Variants in NTRK2 observed in about 807,000 individuals in gnomAD.
NTRK2 encodes the protein BDNF/NT-3 growth factors receptor.
NTRK2 carries 13 observed loss-of-function variants against 94.5 expected under a neutral mutation model. The observed-to-expected ratio is 0.14, with a 90% CI of 0.09 to 0.22. The LOEUF (loss-of-function observed/expected upper bound fraction) is 0.22. NTRK2 is among the 10% of genes least tolerant of loss of function. The pLI is 1.00. For synonymous variants in NTRK2, 372 were observed against 407.4 expected (o/e 0.91, Z 1.05); for missense variants, 639 against 1,071.2 (o/e 0.60, Z 5.63).
intron 12 of NTRK2, among the ~76,000 whole-genome samples, chr9:84,829,290 C>T (rs960370143): frequency 7.9e-5 from 12 of 152,134 alleles, no homozygotes; most frequent in African/African-American, 2.4e-4. Flanking sequence ...CAAGCCACAG[C>T]GCCTGGCCCA....
intron 14 of NTRK2, among the ~76,000 whole-genome samples, chr9:84,901,831 T>C (rs962501020): frequency 6.6e-6 from 1 of 152,088 alleles, no homozygotes; most frequent in Admixed American, 6.6e-5. Context: ...CAAAACTCAC[T>C]AGAGTCACCT....
chr9:84,953,341 C>T (rs912055452), intron 16 of NTRK2, among the ~76,000 whole-genome samples: 1 of 152,198 alleles, frequency 6.6e-6, no homozygotes, highest in Non-Finnish European at 1.5e-5. Flanking sequence ...TGAAAGGCCA[C>T]GAAGCACTAT....
At chr9:84,873,587 C>G in intron 14 of NTRK2, 1 of 1,051,976 alleles carries the variant, frequency 9.5e-7, no homozygotes, top group Middle Eastern at 4.3e-4. Flanking sequence ...TCAAATAATG[C>G]TTTAAAAAAG....
At position 84,670,361 on chromosome 9, in the gene NTRK2, G is replaced by GTAGA; in HGVS notation, c.-372-15_-372-14insAGAT. 5.3e-6 allele frequency: 2 copies of GTAGA among 374,312 alleles called. No homozygotes were observed. The highest frequency in any genetic ancestry group is 4.9e-6 in the Non-Finnish European group (1 of 203,336). 23.2% of individuals were successfully genotyped at this position (374,312 alleles called of 1,614,324 possible). ...GGGTCCTACGCTCAGTCTTACGCGT[G>GTAGA]TCTGTTTGTCCTCAGCCTCGAGGTG... On this transcript the variant is annotated splice_polypyrimidine_tract_variant and intron_variant, in intron 1 of 18. Transcript: ENST00000277120.
At chr9:84,744,883 C>T in intron 10 of NTRK2, 90 bp from the exon 11 acceptor site, 1 of 918,048 alleles carries the variant, frequency 1.1e-6, no homozygotes, top group Non-Finnish European at 1.8e-6. Context: ...ATTTGTCTTG[C>T]TTCATTCTGG....
chr9:84,754,397 T>A (rs2064897972), intron 12 of NTRK2, among the ~76,000 whole-genome samples: 1 of 152,282 alleles, frequency 6.6e-6, no homozygotes, highest in South Asian at 2.1e-4. Flanking sequence ...AGGGTTATTG[T>A]TTTGCAAGTC....
At chr9:84,949,036 A>T (rs534476706) in intron 16 of NTRK2, among the ~76,000 whole-genome samples, 1 of 152,290 alleles carries the variant, frequency 6.6e-6, no homozygotes, top group South Asian at 2.1e-4. Context: ...AGTGAGAGTG[A>T]AGTTTTCAAG....
intron 15 of NTRK2, among the ~76,000 whole-genome samples, chr9:84,944,264 CTTTT>C (rs1209056623): frequency 7.9e-6 from 1 of 127,056 alleles, no homozygotes; most frequent in African/African-American, 2.9e-5. Flanking sequence ...GTCTAGCATT[CTTTT>C]TTTTTTTTTT....
intron 12 of NTRK2, among the ~76,000 whole-genome samples, chr9:84,819,648 C>T (rs183903348): frequency 2.0e-5 from 3 of 152,324 alleles, no homozygotes; most frequent in Non-Finnish European, 4.4e-5. Context: ...GCAGAGGAGG[C>T]GTTCAGGGTA....
chr9:84,812,207 C>T (rs1304859807), intron 12 of NTRK2: 1 of 1,056,422 alleles, frequency 9.5e-7, no homozygotes, highest in East Asian at 5.2e-5. Flanking sequence ...CATTTAGGTA[C>T]CACTTGATAT....
At chr9:84,886,726 C>T (rs1339686672) in intron 14 of NTRK2, among the ~76,000 whole-genome samples, 1 of 152,190 alleles carries the variant, frequency 6.6e-6, no homozygotes, top group Non-Finnish European at 1.5e-5. Flanking sequence ...AACACTTTCT[C>T]CTTGAGCTGA....
intron 12 of NTRK2, among the ~76,000 whole-genome samples, chr9:84,785,424 G>A (rs974052352): frequency 6.6e-6 from 1 of 152,180 alleles, no homozygotes; most frequent in Non-Finnish European, 1.5e-5. Flanking sequence ...TTTGAGGTGA[G>A]CCTGCTATAT....
At chr9:84,889,709 G>A (rs948024776) in intron 14 of NTRK2, among the ~76,000 whole-genome samples, 13 of 152,132 alleles carry the variant, frequency 8.5e-5, no homozygotes, top group Non-Finnish European at 1.2e-4. Context: ...CACTGTGCCC[G>A]GCCAATATTT....
chr9:84,870,331 G>GTGTGTATATATATATATATATATA (rs1349303529), intron 14 of NTRK2, among the ~76,000 whole-genome samples: 5 of 31,182 alleles, frequency 1.6e-4, no homozygotes, highest in Non-Finnish European at 3.4e-4. Flanking sequence ...GTGTGTGTGT[G>GTGTGTATATATATATATATATATA]TATATATATA....
chr9:84,973,771 G>C (rs780805753), intron 17 of NTRK2, among the ~76,000 whole-genome samples: 2 of 152,108 alleles, frequency 1.3e-5, no homozygotes, highest in Non-Finnish European at 2.9e-5. Flanking sequence ...AGTCCTTTCA[G>C]CTCTAAAAGT....
chr9:84,870,032 G>C (rs891209944), intron 14 of NTRK2, among the ~76,000 whole-genome samples: 2 of 147,530 alleles, frequency 1.4e-5, no homozygotes, highest in Admixed American at 6.8e-5. Flanking sequence ...ACATGTAGAT[G>C]AATCTGTTGG....
intron 15 of NTRK2, among the ~76,000 whole-genome samples, chr9:84,935,984 A>G (rs1210184058): frequency 6.6e-6 from 1 of 152,216 alleles, no homozygotes; most frequent in Non-Finnish European, 1.5e-5. Context: ...CATGTATTAT[A>G]GACAAGGAAT....
intron 12 of NTRK2, chr9:84,810,694 G>A (rs993479612): frequency 1.9e-6 from 3 of 1,586,274 alleles, no homozygotes; most frequent in Middle Eastern, 1.7e-4. Context: ...CTGCTTATCT[G>A]GGGTTTTCTG....
At chr9:84,898,692 T>C (rs75841237) in intron 14 of NTRK2, among the ~76,000 whole-genome samples, 1 of 151,676 alleles carries the variant, frequency 6.6e-6, no homozygotes, top group South Asian at 2.1e-4. Context: ...TTTTTTTTTT[T>C]CTAAGACAGA....
Sources: gnomAD v4.1 joint callset for allele counts (sites outside exome capture counted in the v4.1 genomes callset) on GRCh38, gnomAD v4.1.1 for gene constraint, MANE v1.5 for transcripts, NCBI Gene and HGNC (gene_info 2026-07-23, HGNC 2026-07-21) for gene names.